TEX101: variants seen among roughly 807,000 people sequenced by gnomAD.
TEX101 encodes the protein testis-expressed protein 101.
In TEX101, 10 loss-of-function variants were observed where a neutral mutation model predicts 18.1. The ratio of observed to expected loss-of-function variants is 0.55; its 90% CI spans 0.34 to 0.94. The LOEUF (loss-of-function observed/expected upper bound fraction) is 0.94, where lower values mean the gene tolerates loss of function less well. Ranked by LOEUF, TEX101 falls within the 40% of genes least tolerant of loss-of-function variation. The pLI is 0.02. For synonymous variants in TEX101, 94 were observed against 114.8 expected (o/e 0.82, Z 1.16); for missense variants, 259 against 298.9 (o/e 0.87, Z 0.98).
chr19:43,415,994 G>C lies in TEX101; in HGVS notation c.64+11G>C, dbSNP rs1262670944. On this transcript the variant is annotated intron_variant, in intron 2 of 5. Coordinates refer to ENST00000598265, the MANE Select transcript of TEX101 (RefSeq NM_001130011.3). ...CCTCCCTCCTGACCTGTGCGTATGGGGGACATAGGGGAGAGCCGTGTGTCA... is the reference window on the plus strand; with the variant it reads ...CCTCCCTCCTGACCTGTGCGTATGGCGGACATAGGGGAGAGCCGTGTGTCA... The C allele has an allele frequency of 6.2e-7, 1 of 1,613,654 alleles. No individual in the cohort carries two copies. Among genetic ancestry groups the C allele is most frequent in the Admixed American group, 1.7e-5 (1 of 59,914 alleles).
At chr19:43,408,224 G>A (rs1416457952) in intron 3 of TEX101, among the ~76,000 whole-genome samples, 1 of 152,234 alleles carries the variant, frequency 6.6e-6, no homozygotes, top group East Asian at 1.9e-4. Flanking sequence ...TTCCGGGGGT[G>A]GAGAGGCGGT....
chr19:43,390,438 C>CTCTTT, the TEX101 span, among the ~76,000 whole-genome samples: 7 of 87,242 alleles, frequency 8.0e-5, no homozygotes, highest in East Asian at 3.7e-4. Context: ...TTCTTTTCTT[C>CTCTTT]TCTTTTCTTT....
At chr19:43,416,320 A>C in intron 3 of TEX101, 53 bp from the exon 4 acceptor site, 1 of 1,587,796 alleles carries the variant, frequency 6.3e-7, no homozygotes, top group Non-Finnish European at 8.6e-7. Context: ...CCCTTCGTCC[A>C]GGCCAATTGT....
Position 43,417,757 on chromosome 19 carries a change from G to A in TEX101, c.392-121G>A, listed in dbSNP as rs1042381036. 4.7e-6 allele frequency: 6 copies of A among 1,290,100 alleles called. No homozygotes were observed. In the Admixed American group the frequency reaches 8.0e-5, roughly 17 times the overall value. The allele number at this position is 1,290,100 out of a possible 1,614,324, so 79.9% of individuals were successfully genotyped here. Reference sequence around the variant, plus strand: ...CCAGCTGGGGAAGGATGGGGAGGCTGAAGTAATGGGCCTTGATTAGAGTGG... The same window carrying A: ...CCAGCTGGGGAAGGATGGGGAGGCTAAAGTAATGGGCCTTGATTAGAGTGG... On this transcript the variant is annotated intron_variant, in intron 4 of 5. Coordinates refer to ENST00000598265, the MANE Select transcript of TEX101 (RefSeq NM_001130011.3).
upstream of TEX101, among the ~76,000 whole-genome samples, chr19:43,413,830 G>A (rs996130399): frequency 6.6e-6 from 1 of 152,072 alleles, no homozygotes; most frequent in Non-Finnish European, 1.5e-5. Context: ...GCAGGTGCCT[G>A]TAATCCTAGC....
chr19:43,396,970 G>A (rs1231202538), upstream of TEX101, among the ~76,000 whole-genome samples: 1 of 151,698 alleles, frequency 6.6e-6, no homozygotes, highest in East Asian at 1.9e-4. Flanking sequence ...CTGAGTAGCT[G>A]GGACTACAGG....
upstream of TEX101, among the ~76,000 whole-genome samples, chr19:43,398,564 G>A (rs1224885180): frequency 3.3e-5 from 5 of 152,010 alleles, no homozygotes; most frequent in Non-Finnish European, 7.4e-5. Flanking sequence ...CCAGCCCCAT[G>A]TATATTTTTA....
the TEX101 span, among the ~76,000 whole-genome samples, chr19:43,394,425 C>G: frequency 2.0e-5 from 3 of 152,024 alleles, no homozygotes; most frequent in African/African-American, 7.2e-5. Context: ...GTGAAGGTAC[C>G]CTCTTAGCCT....
upstream of TEX101, among the ~76,000 whole-genome samples, chr19:43,397,552 T>A (rs139262698): frequency 6.7e-6 from 1 of 148,924 alleles, no homozygotes; most frequent in East Asian, 2.1e-4. Context: ...TATATTCAAG[T>A]TTAACATTTT....
intron 1 of TEX101, among the ~76,000 whole-genome samples, chr19:43,402,090 G>C (rs534587549): frequency 5.9e-5 from 9 of 152,346 alleles, no homozygotes; most frequent in Admixed American, 2.6e-4. Context: ...AAAATCACAC[G>C]CAGTGTGAGG....
At chr19:43,417,731 A>C in intron 4 of TEX101, 147 bp from the exon 5 acceptor site, 5 of 941,452 alleles carry the variant, frequency 5.3e-6, no homozygotes, top group Non-Finnish European at 8.1e-6. Flanking sequence ...AGCAGAGAAC[A>C]CCAGCTGGGG....
At chr19:43,415,622 G>T (rs535742613) in intron 1 of TEX101, among the ~76,000 whole-genome samples, 8 of 152,028 alleles carry the variant, frequency 5.3e-5, no homozygotes, top group Admixed American at 2.0e-4. Flanking sequence ...AATTCACTGG[G>T]TGTGGTGGCG....
chr19:43,418,040 G>T (rs1390319798), intron 5 of TEX101, 34 bp downstream of exon 5: 1 of 1,614,010 alleles, frequency 6.2e-7, no homozygotes, highest in East Asian at 2.2e-5. Flanking sequence ...AGTTTCAGAG[G>T]CTGGAAAACC....
Position 43,406,081 on chromosome 19 carries a change from CAAAAAA to C in TEX101, c.-282-127_-282-122del, listed in dbSNP as rs34029449. The C allele has an allele frequency of 6.9e-3, 407 of 58,858 alleles. 5 individuals are homozygous for C. The highest frequency in any genetic ancestry group is 0.021 in the African/African-American group (369 of 18,000). 3.6% of individuals were successfully genotyped at this position (58,858 alleles called of 1,614,324 possible). ...ACAACATAAGGAGACCCTGTCTCTA[CAAAAAA>C]AAAAAAAAAAAAAAGCCAGATGCCT... is the stretch of plus-strand genomic sequence containing the variant. On this transcript the variant is annotated intron_variant, in intron 2 of 7. Transcript: ENST00000602198.
intron 1 of TEX101, among the ~76,000 whole-genome samples, chr19:43,415,283 G>A (rs2122346730): frequency 6.6e-6 from 1 of 152,170 alleles, no homozygotes; most frequent in East Asian, 1.9e-4. Context: ...AGGGACCCCT[G>A]AGACTGAGGG....
At chr19:43,408,598 A>T (rs1186578793) in intron 3 of TEX101, among the ~76,000 whole-genome samples, 1 of 151,998 alleles carries the variant, frequency 6.6e-6, no homozygotes, top group Non-Finnish European at 1.5e-5. Flanking sequence ...CCAGGGCCAC[A>T]ACCACCCGTG....
intron 4 of TEX101, among the ~76,000 whole-genome samples, chr19:43,417,030 CAAA>C (rs746528568): frequency 3.4e-4 from 24 of 70,468 alleles, no homozygotes; most frequent in Admixed American, 9.5e-4. Flanking sequence ...AAGACTCCAT[CAAA>C]AAAAAAAAAA....
At chr19:43,405,239 C>T (rs117723322) in intron 2 of TEX101, among the ~76,000 whole-genome samples, 1 of 152,120 alleles carries the variant, frequency 6.6e-6, no homozygotes, top group East Asian at 1.9e-4. Context: ...AATTTCTAGC[C>T]TATTTCCCAA....
At chr19:43,396,023 C>A in the TEX101 span, among the ~76,000 whole-genome samples, 1 of 152,158 alleles carries the variant, frequency 6.6e-6, no homozygotes, top group Non-Finnish European at 1.5e-5. Context: ...TCTGTGGGTC[C>A]CGAAACCTTC....
Sources: gnomAD v4.1 joint callset for allele counts (sites outside exome capture counted in the v4.1 genomes callset) on GRCh38, gnomAD v4.1.1 for gene constraint, MANE v1.5 for transcripts, NCBI Gene and HGNC (gene_info 2026-07-23, HGNC 2026-07-21) for gene names.